The following CTBP1 variants were observed in gnomAD, a reference collection of about 807,000 sequenced individuals.
The protein encoded by CTBP1 is C-terminal-binding protein 1.
CTBP1 carries 11 observed loss-of-function variants against 42.1 expected under a neutral mutation model. The observed-to-expected ratio is 0.26, with a 90% CI of 0.16 to 0.43. The LOEUF is 0.43. CTBP1 is among the 20% of genes least tolerant of loss of function. The probability of loss-of-function intolerance (pLI) is 1.00; values close to 1 mark genes in which losing one functional copy is unlikely to be tolerated. For missense variants in CTBP1, 399 were observed against 624.3 expected (o/e 0.64, Z 3.85); for synonymous variants, 324 against 277.1 (o/e 1.17, Z -1.68).
At chr4:1,248,692 G>A (rs1733028224) in intron 1 of CTBP1, 3 of 982,604 alleles carry the variant, frequency 3.1e-6, no homozygotes, top group Non-Finnish European at 3.6e-6. Flanking sequence ...AGAGCAGACT[G>A]CGGCGCTCGC....
intron 5 of CTBP1, chr4:1,216,514 A>C (rs1272066769): frequency 1.9e-6 from 1 of 530,552 alleles, no homozygotes; most frequent in Non-Finnish European, 3.4e-6. Context: ...TGAACCACTC[A>C]GTGTCAAACG....
At chr4:1,247,287 G>C (rs1190355349) in intron 1 of CTBP1, among the ~76,000 whole-genome samples, 1 of 152,214 alleles carries the variant, frequency 6.6e-6, no homozygotes. Flanking sequence ...GGAGTGACCA[G>C]ATGCCACCCC....
intron 5 of CTBP1, 157 bp downstream of exon 5, chr4:1,225,203 G>A (rs754950658): frequency 1.7e-4 from 141 of 840,000 alleles, no homozygotes; most frequent in Non-Finnish European, 2.4e-4. Flanking sequence ...TGGGACTCCC[G>A]GGCCCTGGTG....
In CTBP1 at chr4:1,238,627, C is replaced by A. The variant is rs973194253; in HGVS notation, c.8-290G>T. Among the ~76,000 whole-genome samples, 1 of 151,134 alleles carries A rather than the reference C, an allele frequency of 6.6e-6. No individual in the cohort carries two copies. Among genetic ancestry groups the A allele is most frequent in the African/African-American group, 2.4e-5 (1 of 41,006 alleles). On this transcript the variant is annotated intron_variant, in intron 2 of 9. Coordinates refer to ENST00000382952, the MANE Select transcript of CTBP1 (RefSeq NM_001012614.2). The surrounding 1 kb of genome is among the most constrained non-coding windows in gnomAD (Gnocchi z 5.9). ...GTCCCCTCCGAGACCCTCCAAGGCC[C>A]CTCCGAGATCCTCCCAGACCCTCTG...
intron 8 of CTBP1, 141 bp from the exon 9 acceptor site, chr4:1,213,171 G>T: frequency 1.2e-6 from 1 of 806,312 alleles, no homozygotes; most frequent in Non-Finnish European, 2.0e-6. Context: ...GGCACGGCAG[G>T]GTCCTGTCTC....
intron 3 of CTBP1, chr4:1,236,670 C>G (rs1731533119): frequency 3.0e-6 from 2 of 667,386 alleles, no homozygotes; most frequent in African/African-American, 1.8e-5. Flanking sequence ...TCAGGGCAAA[C>G]CCGGTGTCCA....
At chr4:1,248,191 G>C (rs891990495) in intron 1 of CTBP1, among the ~76,000 whole-genome samples, 6 of 152,000 alleles carry the variant, frequency 3.9e-5, no homozygotes, top group Non-Finnish European at 8.8e-5. Context: ...CAGCCCGCGA[G>C]GAAGGCGCCC....
intron 4 of CTBP1, among the ~76,000 whole-genome samples, chr4:1,225,847 G>C (rs1401534901): frequency 2.6e-5 from 4 of 152,128 alleles, no homozygotes; most frequent in Admixed American, 1.3e-4. Flanking sequence ...ACGCTGCCCT[G>C]ACCCCTCCCG....
intron 1 of CTBP1, among the ~76,000 whole-genome samples, chr4:1,247,797 C>A (rs1732891312): frequency 6.6e-6 from 1 of 151,860 alleles, no homozygotes. Flanking sequence ...CAACGGAACA[C>A]CCTGCGCACC....
chr4:1,242,049 G>T, intron 1 of CTBP1: 1 of 988,156 alleles, frequency 1.0e-6, no homozygotes, highest in Middle Eastern at 5.2e-4. Flanking sequence ...GCACTGAGCC[G>T]CGCCGGCTCC....
intron 1 of CTBP1, chr4:1,242,796 T>C (rs958637114): frequency 3.0e-6 from 3 of 985,166 alleles, no homozygotes; most frequent in African/African-American, 1.7e-5. Flanking sequence ...GGATACCACA[T>C]AAAAACAAAC....
chr4:1,248,798 C>T, intron 1 of CTBP1, 118 bp downstream of exon 1: 1 of 948,584 alleles, frequency 1.1e-6, no homozygotes, highest in Non-Finnish European at 1.2e-6. Flanking sequence ...CGCACTCGCA[C>T]ACAAAGCCGG....
intron 3 of CTBP1, among the ~76,000 whole-genome samples, chr4:1,232,358 C>A (rs1232306528): frequency 1.3e-5 from 2 of 152,214 alleles, no homozygotes; most frequent in Non-Finnish European, 2.9e-5. Context: ...GTTGCCCAGG[C>A]TGGAGTGCAG....
In CTBP1 at chr4:1,229,392, G is replaced by A. The variant is rs116029673; in HGVS notation, c.163-1049C>T. Among the ~76,000 whole-genome samples, 842 of 152,332 alleles carry A rather than the reference G, an allele frequency of 5.5e-3. 7 individuals are homozygous for A. Among genetic ancestry groups the A allele is most frequent in the African/African-American group, 0.019 (789 of 41,568 alleles). On this transcript the variant is annotated intron_variant, in intron 3 of 9. Transcript: ENST00000382952. ...CTCTGTGCGAACAGCCGTGGCTGAG[G>A]ACACCAGGACATGCAGGCCTCGTCC...
In CTBP1 at chr4:1,228,188, A is replaced by T; in HGVS notation, c.307+11T>A. The T allele has an allele frequency of 6.2e-7, 1 of 1,613,910 alleles. No homozygotes were observed. The highest frequency in any genetic ancestry group is 8.5e-7 in the Non-Finnish European group (1 of 1,179,844). Reference sequence around the variant, plus strand: ...TGAATGGGCACAGGAGAGAACTCGGAGCCGGCCTACCTAAATCCCCGGCCG... The same window carrying T: ...TGAATGGGCACAGGAGAGAACTCGGTGCCGGCCTACCTAAATCCCCGGCCG... On this transcript the variant is annotated intron_variant, in intron 4 of 9. Transcript: ENST00000382952.
intron 3 of CTBP1, among the ~76,000 whole-genome samples, chr4:1,234,073 T>G (rs1200448941): frequency 2.0e-5 from 3 of 152,138 alleles, no homozygotes; most frequent in Admixed American, 2.0e-4. Context: ...CCTGCTCCCC[T>G]CTGTTCTGGA....
At chr4:1,245,658 C>T (rs1732642246) in intron 1 of CTBP1, 3 of 983,364 alleles carry the variant, frequency 3.1e-6, no homozygotes, top group South Asian at 4.7e-5. Flanking sequence ...CAGGGTGACA[C>T]GGGCGGCAGG....
At chr4:1,244,562 G>A in intron 1 of CTBP1, 2 of 985,100 alleles carry the variant, frequency 2.0e-6, no homozygotes, top group Non-Finnish European at 2.4e-6. Context: ...ACCTCCACCA[G>A]GACAGTGTCC....
intron 1 of CTBP1, chr4:1,244,543 T>C (rs1181457752): frequency 1.6e-5 from 16 of 984,490 alleles, no homozygotes; most frequent in Non-Finnish European, 3.6e-6. Context: ...TCCGCTCCCC[T>C]CCCTCACGAC....
Sources: gnomAD v4.1 joint callset for allele counts (sites outside exome capture counted in the v4.1 genomes callset) on GRCh38, gnomAD v4.1.1 for gene constraint, Gnocchi (gnomAD v3.1) non-coding constraint, MANE v1.5 for transcripts, NCBI Gene and HGNC (gene_info 2026-07-23, HGNC 2026-07-21) for gene names.